The following PLCH1 variants were observed in gnomAD, a reference collection of about 807,000 sequenced individuals.
The protein encoded by PLCH1 is 1-phosphatidylinositol 4,5-bisphosphate phosphodiesterase eta-1.
In PLCH1, 60 loss-of-function variants were observed where a neutral mutation model predicts 126.7. The ratio of observed to expected loss-of-function variants is 0.47; its 90% CI spans 0.38 to 0.59. PLCH1 has a LOEUF of 0.59. Ranked by LOEUF, PLCH1 falls within the 20% of genes least tolerant of loss-of-function variation. PLCH1 has a pLI of 0.00. For missense variants in PLCH1, 1,723 were observed against 2,040.0 expected, an observed-to-expected ratio of 0.84 and a Z score of 2.99; for synonymous variants, 719 against 734.9, an observed-to-expected ratio of 0.98 and a Z score of 0.35.
At chr3:155,533,440 G>A (rs1296772918) in intron 10 of PLCH1, among the ~76,000 whole-genome samples, 2 of 152,206 alleles carry the variant, frequency 1.3e-5, no homozygotes, top group African/African-American at 4.8e-5. Flanking sequence ...CAGCTACTTG[G>A]GAGGCTGAGG....
At chr3:155,619,209 G>A (rs1736155774) in intron 2 of PLCH1, among the ~76,000 whole-genome samples, 1 of 147,838 alleles carries the variant, frequency 6.8e-6, no homozygotes, top group Non-Finnish European at 1.5e-5. Context: ...ATTTGTTAAG[G>A]TTGTTATTGT....
At chr3:155,497,531 A>G in intron 14 of PLCH1, 114 bp from the exon 15 acceptor site, 1 of 732,726 alleles carries the variant, frequency 1.4e-6, no homozygotes, top group Non-Finnish European at 2.4e-6. Context: ...TACCTGCCCC[A>G]GGTCCTAAGG....
intron 10 of PLCH1, among the ~76,000 whole-genome samples, chr3:155,543,432 G>A (rs547397079): frequency 1.5e-4 from 23 of 152,234 alleles, no homozygotes; most frequent in East Asian, 7.7e-4. Flanking sequence ...TGAAAGTGAC[G>A]GGGAGAATGG....
chr3:155,508,257 G>C (rs1191385038), intron 12 of PLCH1, among the ~76,000 whole-genome samples: 2 of 4,978 alleles, frequency 4.0e-4, no homozygotes, highest in Non-Finnish European at 7.4e-4. Flanking sequence ...ATTTTGGGCT[G>C]AGATGATGGG....
At chr3:155,652,992 T>C (rs866459381) in intron 2 of PLCH1, among the ~76,000 whole-genome samples, 4 of 152,188 alleles carry the variant, frequency 2.6e-5, no homozygotes, top group African/African-American at 9.7e-5. Flanking sequence ...TGCCACTAAT[T>C]GCATAATTCC....
intron 10 of PLCH1, among the ~76,000 whole-genome samples, chr3:155,534,443 G>T (rs525486): frequency 0.81 from 123,676 of 152,186 alleles, 52,064 homozygotes; most frequent in Middle Eastern, 0.95. Context: ...ACCCCCATTG[G>T]ATCTTTGAAG....
intron 9 of PLCH1, among the ~76,000 whole-genome samples, chr3:155,552,368 G>A (rs938705169): frequency 2.6e-5 from 4 of 152,206 alleles, no homozygotes; most frequent in East Asian, 3.9e-4. Flanking sequence ...CCAATTGCAA[G>A]AGGGTGCTAT....
intron 21 of PLCH1, among the ~76,000 whole-genome samples, chr3:155,451,009 A>G (rs192020986): frequency 6.6e-6 from 1 of 152,310 alleles, no homozygotes; most frequent in Admixed American, 6.5e-5. Context: ...AGCTGTTTAA[A>G]TATGATTTAA....
chr3:155,592,613 C>T (rs1009384892), intron 4 of PLCH1, among the ~76,000 whole-genome samples: 3 of 152,108 alleles, frequency 2.0e-5, no homozygotes, highest in South Asian at 2.1e-4. Flanking sequence ...GGCTGCAAGA[C>T]GAAGCCAACA....
intron 10 of PLCH1, among the ~76,000 whole-genome samples, chr3:155,543,911 C>T (rs1409050072): frequency 6.6e-6 from 1 of 152,052 alleles, no homozygotes; most frequent in Non-Finnish European, 1.5e-5. Flanking sequence ...AAAGGAACAA[C>T]CAGTACCAGC....
intron 2 of PLCH1, among the ~76,000 whole-genome samples, chr3:155,633,200 A>G (rs1559873172): frequency 6.6e-6 from 1 of 152,144 alleles, no homozygotes; most frequent in East Asian, 1.9e-4. Flanking sequence ...CCTACTTGTT[A>G]GATCCCCACC....
chr3:155,610,017 G>C (rs948421505), intron 2 of PLCH1, among the ~76,000 whole-genome samples: 1 of 152,094 alleles, frequency 6.6e-6, no homozygotes, highest in Admixed American at 6.5e-5. Flanking sequence ...TAGAGAGCTA[G>C]ACATCCAAAT....
chr3:155,672,407 G>T (rs939024767), intron 2 of PLCH1, among the ~76,000 whole-genome samples: 1 of 152,078 alleles, frequency 6.6e-6, no homozygotes, highest in African/African-American at 2.4e-5. Flanking sequence ...CAACATTACA[G>T]GTATCACCTT....
In PLCH1 at chr3:155,470,113, C is replaced by T. The variant is rs369483172; in HGVS notation, c.2938+15243G>A. On this transcript the variant is annotated intron_variant, in intron 21 of 21. Coordinates refer to the PLCH1 transcript ENST00000494598. ...CGAGCTGAGAGAAGAAGGCTTCAGACGATCAAATTACTCTGAGCTACGGGA... is the reference window on the plus strand; with the variant it reads ...CGAGCTGAGAGAAGAAGGCTTCAGATGATCAAATTACTCTGAGCTACGGGA... 3.3e-5 allele frequency among the ~76,000 whole-genome samples: 5 copies of T among 151,520 alleles called. No individual in the cohort carries two copies. In the South Asian group the frequency reaches 6.3e-4, roughly 19 times the overall value.
At chr3:155,527,337 G>A (rs750239130) in intron 10 of PLCH1, among the ~76,000 whole-genome samples, 2 of 152,072 alleles carry the variant, frequency 1.3e-5, no homozygotes, top group East Asian at 3.9e-4. Flanking sequence ...TTCCTGCTCT[G>A]CACAGCACTA....
At chr3:155,659,302 CTTTTT>C (rs753258422) in intron 2 of PLCH1, among the ~76,000 whole-genome samples, 28 of 30,818 alleles carry the variant, frequency 9.1e-4, no homozygotes, top group Non-Finnish European at 1.7e-3. Context: ...CTATTCACTT[CTTTTT>C]TTTTTTTTTT....
chr3:155,562,167 G>A (rs1426650836), intron 8 of PLCH1, among the ~76,000 whole-genome samples: 2 of 152,136 alleles, frequency 1.3e-5, no homozygotes, highest in East Asian at 3.9e-4. Context: ...AAAACACCAT[G>A]TAGCCATCTA....
rs1217967025 is a variant in PLCH1 at position 155,566,114 on chromosome 3, TATATATATGTATATATAC to T, written c.866-1014_866-997del. ...AAATATAACCTAATATATATATACATATATATATGTATATATACATATATATGTATATATACATATATA... is the reference window on the plus strand; with the variant it reads ...AAATATAACCTAATATATATATACATATATATATGTATATATACATATATA... On this transcript the variant is annotated intron_variant, in intron 7 of 22. Transcript: ENST00000460012. 3.7e-3 allele frequency among the ~76,000 whole-genome samples: 183 copies of T among 49,500 alleles called. 5 individuals carry two copies. The highest frequency in any genetic ancestry group is 9.1e-3 in the African/African-American group (176 of 19,446). 32.5% of individuals were successfully genotyped at this position (49,500 alleles called of 152,430 possible). A position where few individuals can be genotyped will look rare whatever the true frequency, so the allele number is the denominator to read the frequency against.
chr3:155,512,122 C>G (rs569870647), intron 12 of PLCH1, among the ~76,000 whole-genome samples: 77 of 150,924 alleles, frequency 5.1e-4, no homozygotes, highest in Admixed American at 7.9e-4. Context: ...TTTCCAGGTG[C>G]GTCCGTCACC....
Sources: allele counts gnomAD v4.1 joint callset (sites outside exome capture counted in the v4.1 genomes callset), GRCh38; gene constraint gnomAD v4.1.1; transcripts MANE v1.5; gene names NCBI Gene and HGNC (gene_info 2026-07-23, HGNC 2026-07-21).